NCAM2: variants seen among roughly 807,000 people sequenced by gnomAD.
NCAM2 encodes the protein neural cell adhesion molecule 2, also known as N-CAM-2.
In NCAM2, 30 loss-of-function variants were observed where a neutral mutation model predicts 98.1. The ratio of observed to expected loss-of-function variants is 0.31; its 90% CI spans 0.23 to 0.41. The LOEUF is 0.41. Ranked by LOEUF, NCAM2 falls within the 10% of genes least tolerant of loss-of-function variation. NCAM2 has a pLI of 1.00. For missense variants in NCAM2, 867 were observed against 1,005.8 expected, an observed-to-expected ratio of 0.86 and a Z score of 1.87; for synonymous variants, 368 against 342.4, an observed-to-expected ratio of 1.07 and a Z score of -0.83.
chr21:21,459,811 C>T (rs930810815), intron 12 of NCAM2, among the ~76,000 whole-genome samples: 2 of 151,340 alleles, frequency 1.3e-5, no homozygotes, highest in African/African-American at 4.8e-5. Flanking sequence ...GATAATGTAC[C>T]GCATTGTGAC....
chr21:21,106,265 A>G (rs539337178), intron 1 of NCAM2, among the ~76,000 whole-genome samples: 1 of 142,174 alleles, frequency 7.0e-6, no homozygotes, highest in Non-Finnish European at 1.5e-5. Flanking sequence ...CTGTGTTTGC[A>G]CCTCTGCACT....
rs370333245 is a variant in NCAM2, at chr21:21,471,644, C to A, written c.1896+2861C>A. On this transcript the variant is annotated intron_variant, in intron 14 of 17. Coordinates refer to ENST00000400546, the MANE Select transcript of NCAM2 (RefSeq NM_004540.5). Reference sequence around the variant, plus strand: ...TGTGCACAGGGCTATATTCTGAGAACAATGTAATTTAGACAATATATTCTT... The same window carrying A: ...TGTGCACAGGGCTATATTCTGAGAAAAATGTAATTTAGACAATATATTCTT... 4.6e-5 allele frequency among the ~76,000 whole-genome samples: 7 copies of A among 152,006 alleles called. No homozygotes were observed. In the East Asian group the frequency reaches 7.7e-4, roughly 17 times the overall value.
chr21:21,037,174 C>A (rs6518042), intron 1 of NCAM2, among the ~76,000 whole-genome samples: 145,875 of 152,238 alleles, frequency 0.96, 70,212 homozygotes, highest in East Asian at 1. Flanking sequence ...AACTACAGGC[C>A]TGCGCCACCA....
Position 20,999,799 on chromosome 21 carries a change from T to C in NCAM2, c.55+1181T>C, listed in dbSNP as rs926380963. Among the ~76,000 whole-genome samples, 5 of 152,204 alleles carry C rather than the reference T, an allele frequency of 3.3e-5. No homozygotes were observed. In the East Asian group the frequency reaches 9.6e-4, roughly 29 times the overall value. On this transcript the variant is annotated intron_variant, in intron 1 of 17. Coordinates refer to ENST00000400546, the MANE Select transcript of NCAM2 (RefSeq NM_004540.5). ...AGAACTCCATTTTAAGCCCAGAAGTTGGTTTCTGCTCTTCCACAGAGTCCT... is the reference window on the plus strand; with the variant it reads ...AGAACTCCATTTTAAGCCCAGAAGTCGGTTTCTGCTCTTCCACAGAGTCCT...
chr21:21,436,086 T>A (rs139827807), intron 12 of NCAM2, among the ~76,000 whole-genome samples: 1 of 152,208 alleles, frequency 6.6e-6, no homozygotes, highest in Non-Finnish European at 1.5e-5. Context: ...AAGATATTCA[T>A]CAGAATAACA....
intron 1 of NCAM2, among the ~76,000 whole-genome samples, chr21:21,105,389 C>G (rs1179115636): frequency 6.6e-6 from 1 of 151,970 alleles, no homozygotes; most frequent in Non-Finnish European, 1.5e-5. Flanking sequence ...GGATGTCAAG[C>G]TAAAAGGAGT....
intron 16 of NCAM2, among the ~76,000 whole-genome samples, chr21:21,528,908 A>C (rs901999423): frequency 1.1e-4 from 17 of 152,278 alleles, no homozygotes; most frequent in African/African-American, 4.1e-4. Context: ...ATAACTTCAA[A>C]TATTCCAGAA....
intron 1 of NCAM2, among the ~76,000 whole-genome samples, chr21:21,107,640 C>T (rs2066375923): frequency 6.6e-6 from 1 of 151,966 alleles, no homozygotes; most frequent in Non-Finnish European, 1.5e-5. Context: ...ATTTACTGCA[C>T]GTTAGCATTA....
intron 1 of NCAM2, among the ~76,000 whole-genome samples, chr21:21,272,508 GCA>G (rs57818703): frequency 0.13 from 20,049 of 149,432 alleles, 2,421 homozygotes; most frequent in East Asian, 0.46. Flanking sequence ...GCGCGCGCGC[GCA>G]CACACACACA....
chr21:21,417,885 G>T (rs2077025239), intron 10 of NCAM2, among the ~76,000 whole-genome samples: 3 of 152,016 alleles, frequency 2.0e-5, no homozygotes, highest in South Asian at 2.1e-4. Flanking sequence ...TTCCTGGAAA[G>T]ATTTCATTAA....
At chr21:21,264,553 A>C (rs532660863) in intron 1 of NCAM2, among the ~76,000 whole-genome samples, 3 of 151,828 alleles carry the variant, frequency 2.0e-5, no homozygotes, top group Non-Finnish European at 4.4e-5. Context: ...TTGTATGTTT[A>C]TAATAGCACT....
At chr21:21,456,672 A>T (rs1982194944) in intron 12 of NCAM2, among the ~76,000 whole-genome samples, 1 of 152,152 alleles carries the variant, frequency 6.6e-6, no homozygotes, top group African/African-American at 2.4e-5. Context: ...CTATAGAATG[A>T]CTGTTTGGTA....
chr21:21,349,889 C>T (rs777652896), intron 8 of NCAM2, among the ~76,000 whole-genome samples: 1 of 151,950 alleles, frequency 6.6e-6, no homozygotes, highest in Non-Finnish European at 1.5e-5. Context: ...AACTCAAGGA[C>T]ATAGATAATA....
chr21:21,431,916 A>G (rs1298604975), intron 11 of NCAM2, among the ~76,000 whole-genome samples, 192 bp from the exon 12 acceptor site: 1 of 152,206 alleles, frequency 6.6e-6, no homozygotes, highest in Non-Finnish European at 1.5e-5. Flanking sequence ...AGGTAATAAA[A>G]GTTGACTCAT....
In NCAM2 at chr21:21,005,915, A is replaced by G. The variant is rs549894812; in HGVS notation, c.55+7297A>G. On this transcript the variant is annotated intron_variant, in intron 1 of 17. Transcript: ENST00000400546. ...GTCCAAGGGAGGAAAAAAAGAACTAATATTTTTGAGCACCTCTTCTATGCC... is the reference window on the plus strand; with the variant it reads ...GTCCAAGGGAGGAAAAAAAGAACTAGTATTTTTGAGCACCTCTTCTATGCC... 8.5e-5 allele frequency among the ~76,000 whole-genome samples: 13 copies of G among 152,224 alleles called. No homozygotes were observed. The South Asian group carries it at 2.3e-3, about 27-fold the overall frequency.
At chr21:21,240,018 A>G (rs2071001893) in intron 1 of NCAM2, among the ~76,000 whole-genome samples, 1 of 152,044 alleles carries the variant, frequency 6.6e-6, no homozygotes, top group Non-Finnish European at 1.5e-5. Flanking sequence ...AAGCTTATAC[A>G]CACATACACA....
intron 5 of NCAM2, among the ~76,000 whole-genome samples, chr21:21,319,922 T>C (rs113971799): frequency 8.9e-4 from 136 of 152,318 alleles, no homozygotes; most frequent in African/African-American, 3.1e-3. Flanking sequence ...ATTCCTCTTA[T>C]ATTAACTTTC....
At chr21:21,471,176 A>G (rs1984395055) in intron 14 of NCAM2, among the ~76,000 whole-genome samples, 1 of 152,000 alleles carries the variant, frequency 6.6e-6, no homozygotes, top group Non-Finnish European at 1.5e-5. Context: ...GCCTTCGGAT[A>G]CAGCCATCCT....
chr21:21,537,705 T>C (rs2826889), intron 17 of NCAM2, 141 bp from the exon 18 acceptor site: 189,078 of 414,304 alleles, frequency 0.46, 44,896 homozygotes, highest in African/African-American at 0.53. Context: ...GTTTTCTCTA[T>C]AAAATAGTAA....
Sources: allele counts gnomAD v4.1 joint callset (sites outside exome capture counted in the v4.1 genomes callset), GRCh38; gene constraint gnomAD v4.1.1; transcripts MANE v1.5; gene names NCBI Gene and HGNC (gene_info 2026-07-23, HGNC 2026-07-21).